Variants in ATAD2 observed in about 807,000 individuals in gnomAD.
ATAD2 encodes ATPase family AAA domain containing 2, also known as ATPase family AAA domain-containing protein 2.
A neutral mutation model predicts 168.9 loss-of-function variants in ATAD2; 62 were observed. That is an observed-to-expected ratio of 0.37 (90% confidence interval 0.30 to 0.45). The LOEUF (loss-of-function observed/expected upper bound fraction) is 0.45, where lower values mean the gene tolerates loss of function less well. Among genes scored for constraint, ATAD2 ranks in the 20% least tolerant of loss-of-function variants. The pLI, the probability that ATAD2 is intolerant of heterozygous loss-of-function variation, is 1.00. For missense variants in ATAD2, 1,419 were observed against 1,667.8 expected, an observed-to-expected ratio of 0.85 and a Z score of 2.60; for synonymous variants, 613 against 571.6, an observed-to-expected ratio of 1.07 and a Z score of -1.03.
intron 1 of ATAD2, among the ~76,000 whole-genome samples, chr8:123,409,178 G>A (rs1167341643): frequency 3.9e-5 from 6 of 151,966 alleles, no homozygotes; most frequent in Non-Finnish European, 7.4e-5. Flanking sequence ...GACCTCTCCC[G>A]AACATACATA....
rs534899579 is a variant in ATAD2 at position 123,396,151 on chromosome 8, A to G, written c.171+36T>C. ...CCGGGCTGCCGGCAGTCCCCCCGGG[A>G]ACCGCCCTGGGAGCCCGCCTCAGGC... On this transcript the variant is annotated intron_variant, in intron 1 of 27. Transcript: ENST00000287394. 141 of 1,523,300 alleles carry G rather than the reference A, an allele frequency of 9.3e-5. 2 individuals are homozygous for G. In the South Asian group the frequency reaches 1.6e-3, roughly 17 times the overall value. 94.4% of individuals were successfully genotyped at this position (1,523,300 alleles called of 1,614,324 possible).
In ATAD2 at chr8:123,346,291, A is replaced by G. The variant is rs189591947; in HGVS notation, c.2346-19T>C. 45 of 1,554,946 alleles carry G rather than the reference A, an allele frequency of 2.9e-5. No individual in the cohort carries two copies. The African/African-American group carries it at 5.6e-4, about 19-fold the overall frequency. On this transcript the variant is annotated intron_variant, in intron 17 of 27. Coordinates refer to ENST00000287394, the MANE Select transcript of ATAD2 (RefSeq NM_014109.4). The stretch of plus-strand genomic sequence containing the variant: ...AGCATTTCTGAAAGAGAAATGATTA[A>G]TAAGCTATGTTTTAGAAAAAACAGT...
intron 1 of ATAD2, among the ~76,000 whole-genome samples, chr8:123,388,691 A>C (rs1176711951): frequency 6.9e-6 from 1 of 144,050 alleles, no homozygotes; most frequent in Non-Finnish European, 1.5e-5. Flanking sequence ...GCCAATTTTT[A>C]TTTTTTATTT....
At chr8:123,400,810 G>A, upstream of ATAD2, 1 of 995,774 alleles carries the variant, frequency 1.0e-6, no homozygotes. This position sits in a 1 kb window ranked among gnomAD's most constrained non-coding sequence, Gnocchi z 4.5. Flanking sequence ...GGGCAACATG[G>A]CCATCACGAT....
intron 8 of ATAD2, among the ~76,000 whole-genome samples, chr8:123,365,529 C>T (rs905048816): frequency 2.6e-5 from 4 of 152,080 alleles, no homozygotes; most frequent in Admixed American, 6.6e-5. Flanking sequence ...TTTCAAACTA[C>T]GCTATAAGGC....
chr8:123,389,984 A>ATATATATATATATT (rs1232318597), intron 1 of ATAD2, among the ~76,000 whole-genome samples: 1 of 115,186 alleles, frequency 8.7e-6, no homozygotes, highest in East Asian at 2.3e-4. Flanking sequence ...ATATATATAT[A>ATATATATATATATT]TTTTTTTTTT....
In ATAD2 at chr8:123,359,575, A is replaced by G; in HGVS notation, c.1266+2T>C. On this transcript the variant is annotated splice_donor_variant, in intron 10 of 27. Transcript: ENST00000287394. LOFTEE classifies it high-confidence loss of function. The stretch of plus-strand genomic sequence containing the variant: ...GCATATGTTTCAAAACAGAGTACTC[A>G]CTGAAGAATCTAGTTGCATTGGATC... The G allele has an allele frequency of 6.2e-7, 1 of 1,602,514 alleles. No homozygotes were observed. Among genetic ancestry groups the G allele is most frequent in the Non-Finnish European group, 8.5e-7 (1 of 1,170,710 alleles).
chr8:123,327,182 G>C (rs1279925338), intron 25 of ATAD2, among the ~76,000 whole-genome samples: 2 of 152,216 alleles, frequency 1.3e-5, no homozygotes, highest in Non-Finnish European at 2.9e-5. Flanking sequence ...AGGATTACAA[G>C]TGTGAGCCAC....
chr8:123,340,910 A>G (rs1268146863), intron 19 of ATAD2, among the ~76,000 whole-genome samples: 2 of 151,732 alleles, frequency 1.3e-5, no homozygotes, highest in Non-Finnish European at 2.9e-5. Flanking sequence ...CGACTATACT[A>G]TATGCTTAAA....
intron 1 of ATAD2, among the ~76,000 whole-genome samples, chr8:123,389,982 ATATTTTTT>A (rs1829776565): frequency 9.0e-6 from 1 of 110,894 alleles, no homozygotes; most frequent in Non-Finnish European, 1.7e-5. Flanking sequence ...ATATATATAT[ATATTTTTT>A]TTTTTTTAGA....
At chr8:123,369,265 A>G in intron 7 of ATAD2, 90 bp from the exon 8 acceptor site, 3 of 412,284 alleles carry the variant, frequency 7.3e-6, no homozygotes, top group Non-Finnish European at 1.1e-5. Flanking sequence ...CTTCATCTAA[A>G]TACTTACAAA....
chr8:123,372,153 T>G lies in ATAD2; in HGVS notation c.371-318A>C, dbSNP rs1057451058. On this transcript the variant is annotated intron_variant, in intron 3 of 27. Coordinates refer to ENST00000287394, the MANE Select transcript of ATAD2 (RefSeq NM_014109.4). ...CATCAAAAGGTGAAGAGATAAATTG[T>G]GGTATATCCATATAATGGAATACTA... Among the ~76,000 whole-genome samples, 24 of 152,200 alleles carry G rather than the reference T, an allele frequency of 1.6e-4. 1 individual carries two copies. Among genetic ancestry groups the G allele is most frequent in the African/African-American group, 5.5e-4 (23 of 41,444 alleles).
At chr8:123,371,637 T>A in intron 4 of ATAD2, 33 bp downstream of exon 4, 2 of 1,565,132 alleles carry the variant, frequency 1.3e-6, no homozygotes, top group South Asian at 2.4e-5. Flanking sequence ...CTCTGACAGA[T>A]AAATCATCTT....
Position 123,334,009 on chromosome 8 carries a change from G to C in ATAD2, c.3347C>G (p.Ser1116Cys), listed in dbSNP as rs1827848274. The change falls in exon 24 of 28, where the codon TCC becomes TGC. Residue 1116 changes from serine to cysteine, a missense_variant. Physicochemically the swap from Ser to Cys is moderately radical, Grantham distance 112 (BLOSUM62 -1). Around this residue, in one of 5 missense-constraint regions of ATAD2, gnomAD observed 545 missense variants for 724.9 expected, o/e 0.75. Coordinates refer to ENST00000287394, the MANE Select transcript of ATAD2 (RefSeq NM_014109.4). ...ESRKKRGCSSSKYAPSYYHVM... is the reference protein window; with the variant it reads ...ESRKKRGCSSCKYAPSYYHVM... ...ATGGTAGTAAGACGGGGCATATTTG[G>C]AGGAGCTACAACCTTATAAATAGAT... 6.2e-7 allele frequency: 1 copy of C among 1,613,876 alleles called. No individual in the cohort carries two copies. Among genetic ancestry groups the C allele is most frequent in the Non-Finnish European group, 8.5e-7 (1 of 1,179,876 alleles).
In ATAD2 at chr8:123,329,326, C is replaced by T. The variant is rs1377993244; in HGVS notation, c.3479-747G>A. On this transcript the variant is annotated intron_variant, in intron 24 of 27. Transcript: ENST00000287394. The stretch of plus-strand genomic sequence containing the variant: ...TGGCTATACACAAGCACAATCTTGG[C>T]GCACTACAACCCCAAACTCCTGGGC... Among the ~76,000 whole-genome samples the T allele has an allele frequency of 2.6e-5, 4 of 152,218 alleles. 1 individual carries two copies. Among genetic ancestry groups the T allele is most frequent in the Admixed American group, 2.6e-4 (4 of 15,288 alleles).
At chr8:123,409,563 C>A (rs1488692984) in intron 1 of ATAD2, among the ~76,000 whole-genome samples, 1 of 151,952 alleles carries the variant, frequency 6.6e-6, no homozygotes, top group South Asian at 2.1e-4. Flanking sequence ...CTGAATCATA[C>A]CTCACTACAG....
intron 26 of ATAD2, among the ~76,000 whole-genome samples, chr8:123,324,090 A>C (rs548293564): frequency 6.6e-6 from 1 of 152,364 alleles, no homozygotes; most frequent in South Asian, 2.1e-4. Context: ...TGAGATTTAC[A>C]TGGGTTTTCA....
At chr8:123,406,942 C>G (rs1254771198) in intron 1 of ATAD2, among the ~76,000 whole-genome samples, 4 of 152,008 alleles carry the variant, frequency 2.6e-5, no homozygotes, top group African/African-American at 9.7e-5. Context: ...GAAATAGGAT[C>G]TTTGCAGATG....
chr8:123,372,933 C>T (rs1829191758), intron 2 of ATAD2, among the ~76,000 whole-genome samples: 2 of 150,500 alleles, frequency 1.3e-5, no homozygotes, highest in Admixed American at 6.6e-5. Flanking sequence ...TGCTCTGTCG[C>T]CCAGGCTGGA....
Sources: allele counts gnomAD v4.1 joint callset (sites outside exome capture counted in the v4.1 genomes callset), GRCh38; gene constraint gnomAD v4.1.1; regional missense constraint gnomAD v4.1.1; non-coding constraint Gnocchi (gnomAD v3.1); transcripts MANE v1.5; gene names NCBI Gene and HGNC (gene_info 2026-07-23, HGNC 2026-07-21).